Variants in SYK observed in about 807,000 individuals in gnomAD.
SYK encodes spleen associated tyrosine kinase, also known as tyrosine-protein kinase SYK.
In SYK, 16 loss-of-function variants were observed where a neutral mutation model predicts 77.8. The observed-to-expected ratio is 0.21, with a 90% CI of 0.14 to 0.31. SYK has a LOEUF of 0.31. Among genes scored for constraint, SYK ranks in the 10% least tolerant of loss-of-function variants. SYK has a pLI of 1.00. For synonymous variants in SYK, 312 were observed against 308.7 expected (o/e 1.01, Z -0.11); for missense variants, 529 against 814.4 (o/e 0.65, Z 4.26).
chr9:90,833,388 C>CA (rs997529549), intron 1 of SYK, among the ~76,000 whole-genome samples: 3 of 152,040 alleles, frequency 2.0e-5, no homozygotes, highest in Admixed American at 6.5e-5. Flanking sequence ...GGAATATAGA[C>CA]AAAAAAACAG....
At chr9:90,846,763 G>T (rs1336448340) in intron 3 of SYK, among the ~76,000 whole-genome samples, 1 of 151,758 alleles carries the variant, frequency 6.6e-6, no homozygotes, top group African/African-American at 2.4e-5. Flanking sequence ...AGTGCCTAGA[G>T]TGATGGTCTT....
intron 3 of SYK, among the ~76,000 whole-genome samples, chr9:90,850,387 G>T (rs1369418787): frequency 6.6e-6 from 1 of 152,098 alleles, no homozygotes; most frequent in East Asian, 1.9e-4. Context: ...ATAGTGGTGT[G>T]TGCCTGTAGT....
chr9:90,863,184 A>G (rs1200046432), intron 4 of SYK, among the ~76,000 whole-genome samples: 2 of 152,188 alleles, frequency 1.3e-5, no homozygotes, highest in East Asian at 1.9e-4. Context: ...TAACCGTAAC[A>G]GTACTTCGTG....
rs1829009149 is a variant in SYK at position 90,896,888 on chromosome 9, A to G, written c.*1288A>G. On this transcript the variant is annotated 3_prime_UTR_variant, in exon 14 of 14. Transcript: ENST00000375754. ...CTAAAAATACAAAAATTAGCCGGGCATGGTGGCATGTGTCTGTAGTCCCAG... is the reference window on the plus strand; with the variant it reads ...CTAAAAATACAAAAATTAGCCGGGCGTGGTGGCATGTGTCTGTAGTCCCAG... The G allele has an allele frequency of 5.1e-6, 1 of 196,892 alleles. No homozygotes were observed. Among genetic ancestry groups the G allele is most frequent in the East Asian group, 7.9e-5 (1 of 12,606 alleles). 12.2% of individuals were successfully genotyped at this position (196,892 alleles called of 1,614,324 possible). A position where few individuals can be genotyped will look rare whatever the true frequency, so the allele number is the denominator to read the frequency against.
intron 1 of SYK, among the ~76,000 whole-genome samples, chr9:90,817,636 CTG>C (rs778532310): frequency 1.1e-4 from 16 of 152,152 alleles, no homozygotes; most frequent in South Asian, 2.1e-4. Flanking sequence ...GATTCCATAT[CTG>C]TGTGTGTGGA....
At chr9:90,814,891 C>T (rs72729011) in intron 1 of SYK, among the ~76,000 whole-genome samples, 3,852 of 152,104 alleles carry the variant, frequency 0.025, 70 homozygotes, top group Non-Finnish European at 0.039. Context: ...CTCAGTCACC[C>T]GGGAACTGAC....
chr9:90,874,059 T>G, intron 7 of SYK, 145 bp from the exon 8 acceptor site: 1 of 698,904 alleles, frequency 1.4e-6, no homozygotes, highest in Non-Finnish European at 2.5e-6. Context: ...CAGCCTTATT[T>G]TCTTCCCTGT....
At chr9:90,826,647 G>A (rs1993703) in intron 1 of SYK, among the ~76,000 whole-genome samples, 14,247 of 152,224 alleles carry the variant, frequency 0.094, 928 homozygotes, top group Admixed American at 0.22. Flanking sequence ...TTTATCTTGC[G>A]TTTCCAGGGA....
intron 11 of SYK, among the ~76,000 whole-genome samples, chr9:90,882,748 AAG>A (rs1212123017): frequency 6.6e-6 from 1 of 152,206 alleles, no homozygotes; most frequent in Non-Finnish European, 1.5e-5. Flanking sequence ...TAGATGGTCT[AAG>A]AGAGAACACA....
chr9:90,885,131 TATG>T (rs1297930879), intron 11 of SYK, among the ~76,000 whole-genome samples: 1 of 151,220 alleles, frequency 6.6e-6, no homozygotes, highest in African/African-American at 2.4e-5. Context: ...AGCAAGGAAA[TATG>T]ATACCTCCAA....
In SYK at chr9:90,887,914, T is replaced by C. The variant is rs372443433; in HGVS notation, c.1722+25T>C. 1.9e-6 allele frequency: 3 copies of C among 1,560,884 alleles called. No homozygotes were observed. The African/African-American group carries it at 4.1e-5, about 21-fold the overall frequency. Reference sequence around the variant, plus strand: ...AGTGAGCCAGTCCTGCTTCATTTTCTCACTGTGGGGCCATTAGAACAGATA... The same window carrying C: ...AGTGAGCCAGTCCTGCTTCATTTTCCCACTGTGGGGCCATTAGAACAGATA... On this transcript the variant is annotated intron_variant, in intron 12 of 13. Coordinates refer to ENST00000375754, the MANE Select transcript of SYK (RefSeq NM_003177.7).
rs1382592698 is a variant in SYK, at chr9:90,896,170, C to A, written c.*570C>A. The A allele has an allele frequency of 8.7e-6, 2 of 229,930 alleles. No homozygotes were observed. The highest frequency in any genetic ancestry group is 1.7e-5 in the Non-Finnish European group (2 of 116,888). 14.2% of individuals were successfully genotyped at this position (229,930 alleles called of 1,614,324 possible). Reference sequence around the variant, plus strand: ...AAATCAAGTTTGACCAGTGCAGTTTCTAAGCATGTAGCCAGTTAAGGAAAG... The same window carrying A: ...AAATCAAGTTTGACCAGTGCAGTTTATAAGCATGTAGCCAGTTAAGGAAAG... On this transcript the variant is annotated 3_prime_UTR_variant, in exon 14 of 14. Coordinates refer to ENST00000375754, the MANE Select transcript of SYK (RefSeq NM_003177.7).
At position 90,874,995 on chromosome 9, in the gene SYK, A is replaced by G. The variant is rs1827873219; in HGVS notation, c.1181+146A>G. 5 of 1,042,184 alleles carry G rather than the reference A, an allele frequency of 4.8e-6. No homozygotes were observed. In the Admixed American group the frequency reaches 1.1e-4, roughly 24 times the overall value. The allele number at this position is 1,042,184 out of a possible 1,614,324, so 64.6% of individuals were successfully genotyped here. A position where few individuals can be genotyped will look rare whatever the true frequency, so the allele number is the denominator to read the frequency against. On this transcript the variant is annotated intron_variant, in intron 9 of 13. Transcript: ENST00000375754. ...GTTAATTTCTGGTACTATTATAATG[A>G]AAGCGTCCATTACCTTTAATGGCAA... is the stretch of plus-strand genomic sequence containing the variant.
chr9:90,843,321 A>G (rs576735330), intron 1 of SYK, among the ~76,000 whole-genome samples: 43 of 152,330 alleles, frequency 2.8e-4, no homozygotes, highest in Admixed American at 8.5e-4. Flanking sequence ...TCTGGGGCTC[A>G]GCACCAGCGT....
At chr9:90,831,652 G>A (rs1825898447) in intron 1 of SYK, among the ~76,000 whole-genome samples, 1 of 152,160 alleles carries the variant, frequency 6.6e-6, no homozygotes, top group African/African-American at 2.4e-5. Flanking sequence ...AAATCTGTTT[G>A]CAACCCCAAA....
intron 1 of SYK, among the ~76,000 whole-genome samples, chr9:90,809,810 C>A (rs1825008451): frequency 6.6e-6 from 1 of 152,130 alleles, no homozygotes; most frequent in Admixed American, 6.5e-5. Context: ...TGGCTGTCCC[C>A]CTACGGGGCA....
At chr9:90,802,629 A>C (rs1217991693) in intron 1 of SYK, among the ~76,000 whole-genome samples, 1 of 152,086 alleles carries the variant, frequency 6.6e-6, no homozygotes, top group African/African-American at 2.4e-5. Flanking sequence ...AGCCCACCTA[A>C]AAACTATATA....
intron 13 of SYK, among the ~76,000 whole-genome samples, chr9:90,893,412 T>C (rs1828870274): frequency 6.6e-6 from 1 of 152,126 alleles, no homozygotes; most frequent in African/African-American, 2.4e-5. Context: ...TGTTTTTTCA[T>C]TTTTTCCTCA....
chr9:90,811,763 C>T (rs1379217212), intron 1 of SYK, among the ~76,000 whole-genome samples: 1 of 20,632 alleles, frequency 4.8e-5, no homozygotes, highest in Non-Finnish European at 9.9e-5. Flanking sequence ...ATGACAAATA[C>T]CAAAAAAAAA....
Sources: gnomAD v4.1 joint callset for allele counts (sites outside exome capture counted in the v4.1 genomes callset) on GRCh38, gnomAD v4.1.1 for gene constraint, MANE v1.5 for transcripts, NCBI Gene and HGNC (gene_info 2026-07-23, HGNC 2026-07-21) for gene names.